Variants in MAP3K20 observed in about 807,000 individuals in gnomAD.
MAP3K20 encodes the protein mitogen-activated protein kinase kinase kinase 20.
In MAP3K20, 40 loss-of-function variants were observed where a neutral mutation model predicts 85.7. That is an observed-to-expected ratio of 0.47 (90% CI 0.36 to 0.61). The LOEUF (loss-of-function observed/expected upper bound fraction) is 0.61. Among genes scored for constraint, MAP3K20 ranks in the 20% least tolerant of loss-of-function variants. MAP3K20 has a pLI of 0.00. For missense variants in MAP3K20, 817 were observed against 961.7 expected (o/e 0.85, Z 1.99); for synonymous variants, 325 against 327.7 (o/e 0.99, Z 0.09).
intron 11 of MAP3K20, chr2:173,223,168 A>C: frequency 1.0e-6 from 1 of 985,408 alleles, no homozygotes; most frequent in Non-Finnish European, 1.2e-6. Flanking sequence ...TTTGGGGAGA[A>C]ATAACTAGTA....
Position 173,090,749 on chromosome 2 carries a change from G to A in MAP3K20, c.-34-249G>A, listed in dbSNP as rs147925809. 4,952 of 1,084,560 alleles carry A rather than the reference G, an allele frequency of 4.6e-3. 37 individuals are homozygous for A. The highest frequency in any genetic ancestry group is 4.5e-3 in the Non-Finnish European group (4,042 of 893,946). 67.2% of individuals were successfully genotyped at this position (1,084,560 alleles called of 1,614,324 possible). ...AGTGCTGCTGCAGGTTTTGTCTGGG[G>A]GATATCTGAGCCATTTCTCTGTGGG... On this transcript the variant is annotated intron_variant, in intron 1 of 19. Coordinates refer to ENST00000375213, the MANE Select transcript of MAP3K20 (RefSeq NM_016653.3).
chr2:173,267,058 C>T lies in MAP3K20; in HGVS notation c.*308C>T, dbSNP rs1197946057. 3 of 206,838 alleles carry T rather than the reference C, an allele frequency of 1.5e-5. No individual in the cohort carries two copies. Among genetic ancestry groups the T allele is most frequent in the Non-Finnish European group, 2.9e-5 (3 of 104,550 alleles). The allele number at this position is 206,838 out of a possible 1,614,324, so 12.8% of individuals were successfully genotyped here. A position where few individuals can be genotyped will look rare whatever the true frequency, so the allele number is the denominator to read the frequency against. ...ACCACTGATATTCTGGTTAGCAGGG[C>T]CAGGACAAGGGGAAGGAAAATGAGG... On this transcript the variant is annotated 3_prime_UTR_variant, in exon 20 of 20. Transcript: ENST00000375213.
At chr2:173,229,645 T>C (rs1684474175) in intron 11 of MAP3K20, 44 bp from the exon 12 acceptor site, 1 of 1,611,296 alleles carries the variant, frequency 6.2e-7, no homozygotes, top group African/African-American at 1.3e-5. Flanking sequence ...AAGACAATGA[T>C]AATATTACTT....
chr2:173,231,399 A>G (rs1684521135), intron 12 of MAP3K20, among the ~76,000 whole-genome samples: 1 of 152,238 alleles, frequency 6.6e-6, no homozygotes, highest in African/African-American at 2.4e-5. Flanking sequence ...CTTAACAAGG[A>G]AAGAGGACTC....
chr2:173,146,420 T>C (rs918204876), intron 2 of MAP3K20, among the ~76,000 whole-genome samples: 6 of 152,206 alleles, frequency 3.9e-5, no homozygotes, highest in Non-Finnish European at 1.5e-5. Context: ...GTAATTCATA[T>C]ACCTTGTAAT....
At chr2:173,134,420 A>ATTTTTTTTTTT (rs1559246094) in intron 2 of MAP3K20, among the ~76,000 whole-genome samples, 1 of 6,154 alleles carries the variant, frequency 1.6e-4, no homozygotes, top group Non-Finnish European at 3.3e-4. Context: ...ATATATATAT[A>ATTTTTTTTTTT]TATATATATT....
chr2:173,190,725 G>C lies in MAP3K20; in HGVS notation c.416-170G>C, dbSNP rs529458530. ...CAGTACCTAATGGAATTAAGTTTTT[G>C]TTTTAATGTCAGCCCCCTTTTGCAA... On this transcript the variant is annotated intron_variant, in intron 5 of 19. Transcript: ENST00000375213. 1.9e-3 allele frequency among the ~76,000 whole-genome samples: 292 copies of C among 152,206 alleles called. 1 individual carries two copies. The highest frequency in any genetic ancestry group is 2.8e-3 in the Non-Finnish European group (191 of 67,986).
At chr2:173,218,576 G>T (rs1356085969) in intron 11 of MAP3K20, among the ~76,000 whole-genome samples, 1 of 152,188 alleles carries the variant, frequency 6.6e-6, no homozygotes. Flanking sequence ...GCTTCTCCCA[G>T]AGCTCATGAG....
rs1167800317 is a variant in MAP3K20 at position 173,190,927 on chromosome 2, G to T, written c.444+4G>T. 5 of 1,601,854 alleles carry T rather than the reference G, an allele frequency of 3.1e-6. No individual in the cohort carries two copies. Among genetic ancestry groups the T allele is most frequent in the Non-Finnish European group, 3.4e-6 (4 of 1,172,252 alleles). ...AGCTGCTGATGGAGTATTGAAGGTA[G>T]GACTATTTCTTTTACTTAAAAAAAT... On this transcript the variant is annotated splice_donor_region_variant and intron_variant, in intron 6 of 19. Coordinates refer to ENST00000375213, the MANE Select transcript of MAP3K20 (RefSeq NM_016653.3).
At position 173,266,716 on chromosome 2, in the gene MAP3K20, C is replaced by A; in HGVS notation, c.2369C>A (p.Ala790Asp). Residue 790 changes from alanine to aspartate, a missense_variant, in exon 20 of 20, where the codon GCC (alanine) becomes GAC (aspartate). Physicochemically the swap from Ala to Asp is moderately radical, Grantham distance 126 (BLOSUM62 -2). This residue lies in a region of MAP3K20 where 454 missense variants were observed against 476.9 expected (regional missense o/e 0.95). Coordinates refer to ENST00000375213, the MANE Select transcript of MAP3K20 (RefSeq NM_016653.3). ...PSPAKTNKER[A>D]RGDHRGWRNF ...CCCGCCAAAACCAATAAAGAGAGAG[C>A]CAGAGGGGACCACCGTGGATGGAGA... 1 of 1,568,908 alleles carries A rather than the reference C, an allele frequency of 6.4e-7. No individual in the cohort carries two copies. Among genetic ancestry groups the A allele is most frequent in the Non-Finnish European group, 8.6e-7 (1 of 1,158,152 alleles).
At chr2:173,106,607 T>C (rs190138299) in intron 2 of MAP3K20, among the ~76,000 whole-genome samples, 22 of 152,276 alleles carry the variant, frequency 1.4e-4, no homozygotes, top group Admixed American at 1.2e-3. Flanking sequence ...AAACAGAGAA[T>C]TGGATTTCTT....
At chr2:173,149,187 T>C (rs1286814989) in intron 2 of MAP3K20, among the ~76,000 whole-genome samples, 4 of 152,232 alleles carry the variant, frequency 2.6e-5, no homozygotes, top group African/African-American at 7.2e-5. Context: ...TGCATAAGAA[T>C]AGTAAAGTGT....
At chr2:173,099,466 G>A (rs1687568186) in intron 2 of MAP3K20, among the ~76,000 whole-genome samples, 2 of 151,862 alleles carry the variant, frequency 1.3e-5, no homozygotes, top group South Asian at 2.1e-4. Context: ...ATTAACAGGT[G>A]CAAGCCCTCT....
chr2:173,197,998 T>TA, intron 7 of MAP3K20, 28 bp from the exon 8 acceptor site: 5 of 1,593,706 alleles, frequency 3.1e-6, no homozygotes, highest in Non-Finnish European at 3.4e-6. Flanking sequence ...AGTACAAAAA[T>TA]AAAAATTCCA....
chr2:173,138,966 G>C (rs138886288), intron 2 of MAP3K20, among the ~76,000 whole-genome samples: 6 of 152,212 alleles, frequency 3.9e-5, no homozygotes, highest in African/African-American at 1.4e-4. Flanking sequence ...TCCACAGGCT[G>C]TCTGGAAGTG....
intron 17 of MAP3K20, among the ~76,000 whole-genome samples, chr2:173,260,354 T>C (rs1685259871): frequency 6.6e-6 from 1 of 151,996 alleles, no homozygotes; most frequent in East Asian, 1.9e-4. Flanking sequence ...GGCGACAGAG[T>C]GAGACTCAGT....
chr2:173,113,319 T>C (rs1688025612), intron 2 of MAP3K20, among the ~76,000 whole-genome samples: 1 of 152,174 alleles, frequency 6.6e-6, no homozygotes, highest in Non-Finnish European at 1.5e-5. Flanking sequence ...GGTCTATCAA[T>C]TTTATTTATC....
chr2:173,248,445 A>G (rs565709244), intron 16 of MAP3K20, among the ~76,000 whole-genome samples: 1 of 152,360 alleles, frequency 6.6e-6, no homozygotes, highest in East Asian at 1.9e-4. Context: ...ACAAGTTTTA[A>G]TTGAGCAAAG....
chr2:173,110,882 T>C (rs1441785794), intron 2 of MAP3K20, among the ~76,000 whole-genome samples: 3 of 152,244 alleles, frequency 2.0e-5, no homozygotes, highest in Non-Finnish European at 4.4e-5. Flanking sequence ...CCAATGCTGC[T>C]ATAAACATGC....
Sources: gnomAD v4.1 joint callset for allele counts (sites outside exome capture counted in the v4.1 genomes callset) on GRCh38, gnomAD v4.1.1 for gene constraint, gnomAD v4.1.1 regional missense constraint, MANE v1.5 for transcripts, NCBI Gene and HGNC (gene_info 2026-07-23, HGNC 2026-07-21) for gene names.